Variants in MYO5C observed in about 807,000 individuals in gnomAD.
MYO5C encodes the protein unconventional myosin-Vc.
Under a neutral mutation model 235.7 loss-of-function variants are expected in MYO5C, and 194 were observed. The ratio of observed to expected loss-of-function variants is 0.82; its 90% CI spans 0.73 to 0.93. The LOEUF (loss-of-function observed/expected upper bound fraction) is 0.93. Ranked by LOEUF, MYO5C falls within the 40% of genes least tolerant of loss-of-function variation. The pLI is 0.00. For missense variants in MYO5C, 2,038 were observed against 2,127.2 expected (o/e 0.96, Z 0.82); for synonymous variants, 707 against 754.8 (o/e 0.94, Z 1.04).
At chr15:52,273,667 T>C (rs998461583) in intron 5 of MYO5C, among the ~76,000 whole-genome samples, 1 of 152,168 alleles carries the variant, frequency 6.6e-6, no homozygotes, top group African/African-American at 2.4e-5. Flanking sequence ...GCTAGCCCCC[T>C]GATCTTGGAC....
rs139805728 is a variant in MYO5C at position 52,285,737 on chromosome 15, C to T, written c.28-2845G>A. Reference sequence around the variant, plus strand: ...CCGCCAGCCTCGGCTTCCCGAGTTGCTGGGATTGCAGACGGAGTGTCGTTC... The same window carrying T: ...CCGCCAGCCTCGGCTTCCCGAGTTGTTGGGATTGCAGACGGAGTGTCGTTC... On this transcript the variant is annotated intron_variant, in intron 1 of 40. Transcript: ENST00000261839. Among the ~76,000 whole-genome samples, 655 of 152,386 alleles carry T rather than the reference C, an allele frequency of 4.3e-3. 13 individuals are homozygous for T. Among genetic ancestry groups the T allele is most frequent in the African/African-American group, 0.015 (640 of 41,602 alleles).
intron 10 of MYO5C, 107 bp from the exon 11 acceptor site, chr15:52,256,827 T>C: frequency 2.5e-6 from 2 of 806,572 alleles, no homozygotes; most frequent in Non-Finnish European, 4.1e-6. Flanking sequence ...CTATGTCTTC[T>C]ACAAGTTTTA....
In MYO5C at chr15:52,242,506, C is replaced by T. The variant is rs142285632; in HGVS notation, c.2391-293G>A. 218 of 312,508 alleles carry T rather than the reference C, an allele frequency of 7.0e-4. 1 individual carries two copies. In the East Asian group the frequency reaches 0.012, roughly 17 times the overall value. 19.4% of individuals were successfully genotyped at this position (312,508 alleles called of 1,614,324 possible). On this transcript the variant is annotated intron_variant, in intron 19 of 40. Coordinates refer to ENST00000261839, the MANE Select transcript of MYO5C (RefSeq NM_018728.4). ...AGACTGTGCACTGGTGCTGCACTTG[C>T]TCAATCACGTACTATTTACATATCC...
At chr15:52,197,609 C>T (rs1415790600) in intron 38 of MYO5C, among the ~76,000 whole-genome samples, 1 of 152,036 alleles carries the variant, frequency 6.6e-6, no homozygotes, top group Non-Finnish European at 1.5e-5. Flanking sequence ...ATATCAAAAA[C>T]GATTGAACTA....
At position 52,278,890 on chromosome 15, in the gene MYO5C, T is replaced by C. The variant is rs1004790637; in HGVS notation, c.432A>G (p.Ala144=). 15 of 1,613,982 alleles carry C rather than the reference T, an allele frequency of 9.3e-6. No individual in the cohort carries two copies. Among genetic ancestry groups the C allele is most frequent in the Non-Finnish European group, 1.0e-5 (12 of 1,179,992 alleles). Residue 144 remains alanine, a synonymous_variant, in exon 4 of 41, where the codon GCA becomes GCG. Coordinates refer to ENST00000261839, the MANE Select transcript of MYO5C (RefSeq NM_018728.4). ...DPHIFAVAEE[A]YKQMARNNRN... ...GAAGCTACCTGGCCATCTGCTTGTA[T>C]GCCTCTTCTGCCACGGCAAATATGT...
At position 52,235,706 on chromosome 15, in the gene MYO5C, G is replaced by A; in HGVS notation, c.2926C>T (p.Gln976Ter). Residue 976 changes from glutamine (Q) to a stop codon, truncating the protein, a stop_gained, in exon 23 of 41, where the codon CAG (glutamine) becomes TAG (stop). Coordinates refer to ENST00000261839, the MANE Select transcript of MYO5C (RefSeq NM_018728.4). LOFTEE classifies it high-confidence loss of function. ...TCAGTCTTCTCTTGAAGCTTCAGCTGTATTTGTTCTTTCTGTGTTTCCAGT... is the reference window on the plus strand; with the variant it reads ...TCAGTCTTCTCTTGAAGCTTCAGCTATATTTGTTCTTTCTGTGTTTCCAGT... ...SELETQKEQI[Q>*]LKLQEKTEEL... The A allele has an allele frequency of 1.2e-6, 2 of 1,612,900 alleles. No individual in the cohort carries two copies. The highest frequency in any genetic ancestry group is 1.7e-6 in the Non-Finnish European group (2 of 1,179,342).
Position 52,205,822 on chromosome 15 carries a change from T to C in MYO5C, c.4531A>G (p.Ile1511Val), listed in dbSNP as rs1461745637. 5 of 1,554,260 alleles carry C rather than the reference T, an allele frequency of 3.2e-6. No individual in the cohort carries two copies. Among genetic ancestry groups the C allele is most frequent in the African/African-American group, 1.4e-5 (1 of 73,282 alleles). ...IIIMEKNIQP[I>V]IVPGMLEYES... ...TCATCCATTCTCTTCTTACCTATTA[T>C]CGGTTGGATATTCTTTTCCATTATG... Residue 1511 changes from isoleucine (I) to valine (V), a missense_variant, in exon 37 of 41, where the codon ATA (isoleucine) becomes GTA (valine). Physicochemically the swap from Ile to Val is conservative, Grantham distance 29. Coordinates refer to ENST00000261839, the MANE Select transcript of MYO5C (RefSeq NM_018728.4).
intron 24 of MYO5C, among the ~76,000 whole-genome samples, chr15:52,230,815 C>G (rs1453970179): frequency 6.7e-6 from 1 of 149,534 alleles, no homozygotes; most frequent in African/African-American, 2.5e-5. Context: ...AAAAGGCAGC[C>G]AGAAGTCTTC....
chr15:52,196,463 TC>T lies in MYO5C; in HGVS notation c.4840del (p.Glu1614LysfsTer13). The T allele has an allele frequency of 6.2e-7, 1 of 1,613,642 alleles. No homozygotes were observed. Among genetic ancestry groups the T allele is most frequent in the African/African-American group, 1.3e-5 (1 of 75,000 alleles). On this transcript the variant is annotated frameshift_variant, in exon 39 of 41. Transcript: ENST00000261839. LOFTEE classifies it high-confidence loss of function. ...MQIRCNISYL[E>X]EWLKDKNLQN... is the part of the protein sequence containing the mutation. The stretch of plus-strand genomic sequence containing the variant: ...CAAGTTCTTATCTTTAAGCCATTCT[TC>T]TAAGTAGCTGATATTGCACCTGGAG...
chr15:52,193,963 T>G lies in MYO5C; in HGVS notation c.5168A>C (p.His1723Pro). Residue 1723 changes from histidine (H) to proline (P), a missense_variant, in exon 41 of 41, where the codon CAT becomes CCT. Transcript: ENST00000261839. ...QVTFPFTPSP[H>P]ALEMIQIPSS... ...GGGGATCTGAATCATTTCCAGAGCA[T>G]GTGGAGAGGGGGTAAAAGGAAATGT... The G allele has an allele frequency of 1.2e-6, 2 of 1,613,776 alleles. No individual in the cohort carries two copies. The highest frequency in any genetic ancestry group is 1.7e-6 in the Non-Finnish European group (2 of 1,179,884).
intron 20 of MYO5C, among the ~76,000 whole-genome samples, chr15:52,240,472 G>A (rs1282191355): frequency 6.9e-6 from 1 of 145,022 alleles, no homozygotes; most frequent in Admixed American, 7.3e-5. Context: ...TCAGGAGGCT[G>A]AGGCATGAGG....
At chr15:52,218,826 T>G in intron 31 of MYO5C, 139 bp from the exon 32 acceptor site, 23 of 775,390 alleles carry the variant, frequency 3.0e-5, no homozygotes, top group Non-Finnish European at 3.9e-5. Flanking sequence ...AGTATTCGAA[T>G]AGGGGTGTCC....
At chr15:52,286,250 C>T (rs1468080235) in intron 1 of MYO5C, among the ~76,000 whole-genome samples, 2 of 150,612 alleles carry the variant, frequency 1.3e-5, no homozygotes, top group African/African-American at 4.9e-5. Context: ...AGGCCAGCCG[C>T]CTCGTCTGGG....
At chr15:52,272,506 C>G (rs1394551500) in intron 6 of MYO5C, 74 bp downstream of exon 6, 1 of 1,434,918 alleles carries the variant, frequency 7.0e-7, no homozygotes, top group African/African-American at 1.4e-5. Context: ...GTGTAGCTTG[C>G]CTGAGTATGT....
Position 52,225,483 on chromosome 15 carries a change from A to G in MYO5C, c.3257T>C (p.Ile1086Thr), listed in dbSNP as rs572543200. ...KEIELLQAQK[I>T]DVEKHVQSQK... ...TGACTGCACATGTTTCTCCACATCT[A>G]TCTTCTGTGCCTGAAGTAGTTCTAT... is the stretch of plus-strand genomic sequence containing the variant. Residue 1086 changes from isoleucine to threonine, a missense_variant, in exon 26 of 41, where the codon ATA becomes ACA. Ile to Thr is a moderately conservative substitution (Grantham distance 89, BLOSUM62 -1). Transcript: ENST00000261839. 15 of 1,613,776 alleles carry G rather than the reference A, an allele frequency of 9.3e-6. No homozygotes were observed. Among genetic ancestry groups the G allele is most frequent in the South Asian group, 5.5e-5 (5 of 91,080 alleles).
chr15:52,205,892 C>T lies in MYO5C; in HGVS notation c.4461G>A (p.Gln1487=). ...LNNFDLSEYR[Q]ILSDVAIRIY... ...TTCGTATAGCCACATCACTGAGAAT[C>T]TGTCTGTATTCTGAAAGGTCAAAAT... Residue 1487 remains glutamine, a synonymous_variant, in exon 37 of 41, where the codon CAG becomes CAA. Transcript: ENST00000261839. 1.9e-6 allele frequency: 3 copies of T among 1,598,220 alleles called. No individual in the cohort carries two copies. The highest frequency in any genetic ancestry group is 2.6e-6 in the Non-Finnish European group (3 of 1,169,760).
At chr15:52,256,585 A>ACCCCCGCGCG in intron 11 of MYO5C, 54 bp downstream of exon 11, 1 of 870,882 alleles carries the variant, frequency 1.1e-6, no homozygotes, top group Non-Finnish European at 1.7e-6. Flanking sequence ...ACACACACAC[A>ACCCCCGCGCG]CACGCGCGCG....
At position 52,232,231 on chromosome 15, in the gene MYO5C, A is replaced by AAGGAAGGAG. The variant is rs2035972973; in HGVS notation, c.3026+390_3026+391insCTCCTTCCT. On this transcript the variant is annotated intron_variant, in intron 24 of 40. Transcript: ENST00000261839. ...GGAAAAGAAAGAAAATGAAAGAAAG[A>AAGGAAGGAG]AGAAAGAAAGAAGGAAGGAGAGAAG... Among the ~76,000 whole-genome samples the AAGGAAGGAG allele has an allele frequency of 4.5e-5, 3 of 67,234 alleles. 1 individual carries two copies. In the South Asian group the frequency reaches 1.0e-3, roughly 23 times the overall value. The allele number at this position is 67,234 out of a possible 152,430, so 44.1% of individuals were successfully genotyped here. A position where few individuals can be genotyped will look rare whatever the true frequency, so the allele number is the denominator to read the frequency against.
chr15:52,256,852 C>T (rs1566982290), intron 10 of MYO5C, 132 bp from the exon 11 acceptor site: 1 of 654,240 alleles, frequency 1.5e-6, no homozygotes. Context: ...CCCCTCAAAG[C>T]TTCTGGTTTT....
Sources: allele counts gnomAD v4.1 joint callset (sites outside exome capture counted in the v4.1 genomes callset), GRCh38; gene constraint gnomAD v4.1.1; transcripts MANE v1.5; gene names NCBI Gene and HGNC (gene_info 2026-07-23, HGNC 2026-07-21).